Variants in KIAA1328 observed in about 807,000 individuals in gnomAD.
KIAA1328 encodes KIAA1328.
Under a neutral mutation model 68.1 loss-of-function variants are expected in KIAA1328, and 52 were observed. The ratio of observed to expected loss-of-function variants is 0.76; its 90% CI spans 0.61 to 0.96. The LOEUF (loss-of-function observed/expected upper bound fraction) is 0.96, where lower values mean the gene tolerates loss of function less well. KIAA1328 is among the 40% of genes least tolerant of loss of function. The probability of loss-of-function intolerance (pLI) is 0.00; values close to 1 mark genes in which losing one functional copy is unlikely to be tolerated. For synonymous variants in KIAA1328, 232 were observed against 239.4 expected (o/e 0.97, Z 0.28); for missense variants, 641 against 677.6 (o/e 0.95, Z 0.60).
At chr18:37,218,409 A>C (rs1244239820) in intron 9 of KIAA1328, among the ~76,000 whole-genome samples, 2 of 152,232 alleles carry the variant, frequency 1.3e-5, no homozygotes, top group African/African-American at 4.8e-5. Context: ...AATGTCTTGT[A>C]AATCAAGAGG....
chr18:36,876,886 C>T (rs938933912), intron 4 of KIAA1328, among the ~76,000 whole-genome samples: 10 of 152,130 alleles, frequency 6.6e-5, no homozygotes, highest in Non-Finnish European at 1.2e-4. Context: ...TCATTATTCT[C>T]GTTGGTTTCA....
At chr18:36,837,730 G>A (rs1417693273) in intron 3 of KIAA1328, among the ~76,000 whole-genome samples, 1 of 151,936 alleles carries the variant, frequency 6.6e-6, no homozygotes, top group Non-Finnish European at 1.5e-5. Context: ...CCTACATTTA[G>A]TTCTCATTCC....
chr18:37,103,347 A>G (rs1415097329), intron 7 of KIAA1328, among the ~76,000 whole-genome samples: 3 of 152,188 alleles, frequency 2.0e-5, no homozygotes, highest in African/African-American at 7.2e-5. Flanking sequence ...CCAGAAATAA[A>G]TCTACGTATT....
At chr18:36,990,451 G>A (rs1326673620) in intron 6 of KIAA1328, among the ~76,000 whole-genome samples, 1 of 151,976 alleles carries the variant, frequency 6.6e-6, no homozygotes, top group Non-Finnish European at 1.5e-5. Flanking sequence ...GAGGCAGGCG[G>A]ATCACTTGAG....
rs561413775 is a variant in KIAA1328 at position 37,191,030 on chromosome 18, G to A, written c.1523+17949G>A. On this transcript the variant is annotated intron_variant, in intron 9 of 9. Coordinates refer to ENST00000280020, the MANE Select transcript of KIAA1328 (RefSeq NM_020776.3). Reference sequence around the variant, plus strand: ...CTTGGTAATGGTCCATTAAAACTCTGGTTTCTTTCCCATCCATTCCTGCTT... The same window carrying A: ...CTTGGTAATGGTCCATTAAAACTCTAGTTTCTTTCCCATCCATTCCTGCTT... 3.3e-5 allele frequency among the ~76,000 whole-genome samples: 5 copies of A among 152,186 alleles called. No homozygotes were observed. The East Asian group carries it at 9.7e-4, about 29-fold the overall frequency.
At chr18:36,851,765 A>G (rs2047219237) in intron 4 of KIAA1328, among the ~76,000 whole-genome samples, 1 of 143,058 alleles carries the variant, frequency 7.0e-6, no homozygotes, top group South Asian at 2.3e-4. Flanking sequence ...GTTTTTATAT[A>G]TTGTATTTTT....
intron 7 of KIAA1328, among the ~76,000 whole-genome samples, chr18:37,074,266 G>A (rs1270951817): frequency 1.3e-5 from 2 of 152,068 alleles, no homozygotes; most frequent in Non-Finnish European, 1.5e-5. Context: ...GGTTTCTAAG[G>A]CAAAAACAAA....
chr18:36,830,592 A>G (rs2150746654), intron 1 of KIAA1328, among the ~76,000 whole-genome samples: 1 of 152,288 alleles, frequency 6.6e-6, no homozygotes, highest in Admixed American at 6.5e-5. Context: ...GGGGGGGGAC[A>G]AGCTATTGCA....
chr18:36,898,395 C>A (rs1406490260), intron 5 of KIAA1328, among the ~76,000 whole-genome samples: 1 of 151,808 alleles, frequency 6.6e-6, no homozygotes, highest in East Asian at 1.9e-4. Flanking sequence ...AAAAATAAGT[C>A]AGCTAGGAAT....
intron 7 of KIAA1328, among the ~76,000 whole-genome samples, chr18:37,104,910 G>A (rs981669402): frequency 1.3e-5 from 2 of 152,212 alleles, no homozygotes. Context: ...TTGGAGATCA[G>A]TGTGGCAGTA....
intron 7 of KIAA1328, among the ~76,000 whole-genome samples, chr18:37,125,960 G>A (rs2058379489): frequency 1.3e-5 from 2 of 152,076 alleles, no homozygotes; most frequent in Admixed American, 1.3e-4. Context: ...TTTTTTTACT[G>A]TTAAGTACTT....
intron 4 of KIAA1328, among the ~76,000 whole-genome samples, chr18:36,861,893 C>T (rs1458912350): frequency 6.6e-6 from 1 of 152,056 alleles, no homozygotes; most frequent in East Asian, 1.9e-4. Flanking sequence ...TGGTCTTGAA[C>T]TCCTGGGCTC....
At chr18:36,975,534 C>T (rs1334049837) in intron 6 of KIAA1328, among the ~76,000 whole-genome samples, 1 of 152,142 alleles carries the variant, frequency 6.6e-6, no homozygotes, top group Non-Finnish European at 1.5e-5. Flanking sequence ...GGAATACTGA[C>T]ATATATATTG....
At chr18:37,018,414 G>C (rs1026942237) in intron 6 of KIAA1328, among the ~76,000 whole-genome samples, 1 of 151,866 alleles carries the variant, frequency 6.6e-6, no homozygotes, top group Non-Finnish European at 1.5e-5. Context: ...ATTTAGCATT[G>C]ACCTTGAACC....
chr18:37,002,773 A>T (rs1304478012), intron 6 of KIAA1328, among the ~76,000 whole-genome samples: 1 of 152,122 alleles, frequency 6.6e-6, no homozygotes, highest in East Asian at 1.9e-4. Flanking sequence ...TGCCCAAAGC[A>T]ATCTATAGAT....
chr18:36,867,298 C>A (rs927956425), intron 4 of KIAA1328, among the ~76,000 whole-genome samples: 5 of 152,286 alleles, frequency 3.3e-5, no homozygotes, highest in Admixed American at 3.3e-4. Flanking sequence ...CCTCCCCCAC[C>A]ATCTTGCTCC....
At chr18:36,988,686 C>A (rs932856354) in intron 6 of KIAA1328, among the ~76,000 whole-genome samples, 3 of 152,158 alleles carry the variant, frequency 2.0e-5, no homozygotes, top group African/African-American at 4.8e-5. Context: ...CAGTTAAGAG[C>A]ATAGACTTTG....
chr18:36,922,522 A>G (rs1020643375), intron 5 of KIAA1328, among the ~76,000 whole-genome samples: 1 of 152,146 alleles, frequency 6.6e-6, no homozygotes, highest in African/African-American at 2.4e-5. Context: ...TCAGTTATTG[A>G]AAAGTTTGTT....
intron 4 of KIAA1328, among the ~76,000 whole-genome samples, chr18:36,865,278 A>G (rs1172952709): frequency 6.6e-6 from 1 of 151,458 alleles, no homozygotes; most frequent in African/African-American, 2.4e-5. Flanking sequence ...ATTCAATTCT[A>G]TGTATTTTTT....
Sources: allele counts gnomAD v4.1 joint callset (sites outside exome capture counted in the v4.1 genomes callset), GRCh38; gene constraint gnomAD v4.1.1; transcripts MANE v1.5; gene names NCBI Gene and HGNC (gene_info 2026-07-23, HGNC 2026-07-21).